HCN1: variants seen among roughly 807,000 people sequenced by gnomAD.
HCN1 encodes potassium/sodium hyperpolarization-activated cyclic nucleotide-gated channel 1.
In HCN1, 13 loss-of-function variants were observed where a neutral mutation model predicts 78.9. The observed-to-expected ratio is 0.16, with a 90% CI of 0.11 to 0.26. The LOEUF (loss-of-function observed/expected upper bound fraction) is 0.26. Ranked by LOEUF, HCN1 falls within the 10% of genes least tolerant of loss-of-function variation. The pLI, the probability that HCN1 is intolerant of heterozygous loss-of-function variation, is 1.00. For missense variants in HCN1, 810 were observed against 1,154.3 expected (o/e 0.70, Z 4.32); for synonymous variants, 552 against 455.5 (o/e 1.21, Z -2.70).
chr5:45,613,588 A>C (rs1159193952), intron 2 of HCN1, among the ~76,000 whole-genome samples: 1 of 151,878 alleles, frequency 6.6e-6, no homozygotes, highest in African/African-American at 2.4e-5. Flanking sequence ...TGGAAATACC[A>C]TTTGACCCAG....
intron 3 of HCN1, among the ~76,000 whole-genome samples, chr5:45,452,616 T>A (rs1157675915): frequency 1.3e-5 from 2 of 151,926 alleles, no homozygotes; most frequent in African/African-American, 4.8e-5. Flanking sequence ...TATTTAAATG[T>A]TAATCATAAT....
chr5:45,521,325 G>A (rs867371138), intron 2 of HCN1, among the ~76,000 whole-genome samples: 25 of 151,976 alleles, frequency 1.6e-4, no homozygotes, highest in Middle Eastern at 3.4e-3. Flanking sequence ...TAGTTTCCAA[G>A]GGCTATGGTA....
At chr5:45,635,409 A>T (rs891430411) in intron 2 of HCN1, among the ~76,000 whole-genome samples, 1 of 152,080 alleles carries the variant, frequency 6.6e-6, no homozygotes, top group Non-Finnish European at 1.5e-5. Context: ...AACAATCTCA[A>T]TGGGAAACCC....
chr5:45,291,943 G>A (rs1290121928), intron 6 of HCN1, among the ~76,000 whole-genome samples: 1 of 151,720 alleles, frequency 6.6e-6, no homozygotes, highest in East Asian at 1.9e-4. Flanking sequence ...TTTGTTTATT[G>A]TTTATTTTAT....
At chr5:45,683,904 C>T (rs1739754333) in intron 1 of HCN1, among the ~76,000 whole-genome samples, 1 of 152,056 alleles carries the variant, frequency 6.6e-6, no homozygotes, top group Non-Finnish European at 1.5e-5. Flanking sequence ...CTCCTGAGCT[C>T]AAGAGAGCTG....
chr5:45,396,770 A>G, intron 3 of HCN1, 60 bp from the exon 4 acceptor site: 1 of 1,231,484 alleles, frequency 8.1e-7, no homozygotes, highest in Non-Finnish European at 1.2e-6. Context: ...ATGAAAAGTG[A>G]GTAGGACCTG....
intron 2 of HCN1, among the ~76,000 whole-genome samples, chr5:45,539,137 T>A (rs1254452540): frequency 6.6e-6 from 1 of 152,180 alleles, no homozygotes; most frequent in Non-Finnish European, 1.5e-5. Flanking sequence ...AGCATGAATA[T>A]CTGCATCTGT....
chr5:45,626,413 G>A (rs1270966730), intron 2 of HCN1, among the ~76,000 whole-genome samples: 1 of 152,108 alleles, frequency 6.6e-6, no homozygotes, highest in Non-Finnish European at 1.5e-5. Flanking sequence ...TAATATCTAA[G>A]CACTGAGAAT....
At chr5:45,541,800 A>G (rs1000941385) in intron 2 of HCN1, among the ~76,000 whole-genome samples, 4 of 152,210 alleles carry the variant, frequency 2.6e-5, no homozygotes, top group African/African-American at 9.6e-5. Context: ...AAGAAAAAGT[A>G]TAGAGAATTC....
intron 4 of HCN1, among the ~76,000 whole-genome samples, chr5:45,353,846 T>G (rs1386380841): frequency 6.6e-6 from 1 of 151,872 alleles, no homozygotes; most frequent in Non-Finnish European, 1.5e-5. Flanking sequence ...TGAGACTAGA[T>G]CCACATTACT....
At chr5:45,676,798 G>A (rs1380061290) in intron 1 of HCN1, among the ~76,000 whole-genome samples, 3 of 151,752 alleles carry the variant, frequency 2.0e-5, no homozygotes, top group Non-Finnish European at 2.9e-5. Flanking sequence ...AATCATAACA[G>A]AGGAAAAATG....
At chr5:45,317,459 C>T (rs1746018701) in intron 5 of HCN1, among the ~76,000 whole-genome samples, 2 of 152,198 alleles carry the variant, frequency 1.3e-5, no homozygotes. Context: ...ACCATAAAAA[C>T]CCTAGAAGAA....
intron 7 of HCN1, 121 bp downstream of exon 7, chr5:45,266,968 C>T (rs1744871346): frequency 1.1e-6 from 1 of 878,884 alleles, no homozygotes; most frequent in East Asian, 2.6e-5. Context: ...CTTGGCCTCC[C>T]AAAGTGATGG....
At chr5:45,474,668 T>A (rs1049978087) in intron 2 of HCN1, among the ~76,000 whole-genome samples, 6 of 151,966 alleles carry the variant, frequency 3.9e-5, no homozygotes, top group Non-Finnish European at 7.4e-5. Context: ...CCAAGCTTCA[T>A]CTACTTCTCA....
At chr5:45,295,086 C>G (rs1425655519) in intron 6 of HCN1, among the ~76,000 whole-genome samples, 1 of 152,064 alleles carries the variant, frequency 6.6e-6, no homozygotes, top group Middle Eastern at 3.4e-3. Flanking sequence ...TTGAGCACCC[C>G]AACACTCACC....
chr5:45,353,264 T>C lies in HCN1; in HGVS notation c.1231-18A>G, dbSNP rs1399432924. On this transcript the variant is annotated intron_variant, in intron 4 of 7. Transcript: ENST00000303230. The stretch of plus-strand genomic sequence containing the variant: ...TGCTTATACTGTAAGGAAGGGAAAA[T>C]AAAATTAAAAAAAAACATTGTTAGG... The C allele has an allele frequency of 2.6e-6, 4 of 1,561,026 alleles. No homozygotes were observed. Among genetic ancestry groups the C allele is most frequent in the Non-Finnish European group, 3.5e-6 (4 of 1,135,444 alleles).
At chr5:45,436,769 C>T (rs186518099) in intron 3 of HCN1, among the ~76,000 whole-genome samples, 2 of 152,270 alleles carry the variant, frequency 1.3e-5, no homozygotes, top group African/African-American at 2.4e-5. Context: ...ATCATCTAGG[C>T]TTCTATTCAC....
At chr5:45,315,470 C>T (rs1382658033) in intron 5 of HCN1, among the ~76,000 whole-genome samples, 2 of 152,042 alleles carry the variant, frequency 1.3e-5, no homozygotes, top group African/African-American at 2.4e-5. Context: ...CAGGAAAGTT[C>T]TAAAATTGAC....
intron 2 of HCN1, among the ~76,000 whole-genome samples, chr5:45,495,438 G>T (rs1486047670): frequency 1.4e-5 from 2 of 147,934 alleles, no homozygotes; most frequent in African/African-American, 5.0e-5. Context: ...TGTGATTTTT[G>T]TACATTGATT....
Sources: allele counts gnomAD v4.1 joint callset (sites outside exome capture counted in the v4.1 genomes callset), GRCh38; gene constraint gnomAD v4.1.1; transcripts MANE v1.5; gene names NCBI Gene and HGNC (gene_info 2026-07-23, HGNC 2026-07-21).